Variants in ANKRD20A1 observed in about 807,000 individuals in gnomAD.
ANKRD20A1 encodes ankyrin repeat domain 20 family member A1.
ANKRD20A1 carries 2 observed loss-of-function variants against 50.9 expected under a neutral mutation model. The ratio of observed to expected loss-of-function variants is 0.04; its 90% CI spans 0.02 to 0.12. ANKRD20A1 has a LOEUF of 0.12. Ranked by LOEUF, ANKRD20A1 falls within the 10% of genes least tolerant of loss-of-function variation. The pLI, the probability that ANKRD20A1 is intolerant of heterozygous loss-of-function variation, is 1.00. For missense variants in ANKRD20A1, 31 were observed against 548.1 expected (o/e 0.06, Z 9.42); for synonymous variants, 10 against 186.2 (o/e 0.05, Z 7.70).
chr9:67,891,456 G>A (rs1163491777), intron 11 of ANKRD20A1, among the ~76,000 whole-genome samples: 1 of 83,084 alleles, frequency 1.2e-5, no homozygotes, highest in African/African-American at 4.1e-5. Context: ...GATAAAATTT[G>A]TAAAGTAATG....
chr9:67,884,842 A>T (rs534648865), intron 9 of ANKRD20A1, among the ~76,000 whole-genome samples: 10 of 151,442 alleles, frequency 6.6e-5, no homozygotes, highest in African/African-American at 1.4e-4. Flanking sequence ...GTGAGCGGAG[A>T]TACCACCACT....
intron 6 of ANKRD20A1, 35 bp downstream of exon 6, chr9:67,871,247 T>C: frequency 6.7e-7 from 1 of 1,500,898 alleles, no homozygotes; most frequent in Non-Finnish European, 9.1e-7. Flanking sequence ...TTACTTCTCT[T>C]GGTGGTCCTA....
In ANKRD20A1 at chr9:67,882,992, TTCCATGGTGTA is replaced by T. The variant is rs1379878579; in HGVS notation, c.895-1492_895-1482del. Among the ~76,000 whole-genome samples, 32 of 151,250 alleles carry T rather than the reference TTCCATGGTGTA, an allele frequency of 2.1e-4. No individual in the cohort carries two copies. The East Asian group carries it at 6.5e-3, about 31-fold the overall frequency. On this transcript the variant is annotated intron_variant, in intron 8 of 14. Transcript: ENST00000562196. ...CATCCTTTTTTATGGCTGCATAGTA[TTCCATGGTGTA>T]TATGTGCCACATTGTCTTAATCCAG... is the stretch of plus-strand genomic sequence containing the variant.
intron 9 of ANKRD20A1, among the ~76,000 whole-genome samples, chr9:67,884,919 A>G (rs1827853452): frequency 6.8e-6 from 1 of 146,268 alleles, no homozygotes; most frequent in Non-Finnish European, 1.5e-5. Flanking sequence ...AAGTCATTTG[A>G]TGGAATGTTT....
At chr9:67,882,362 AGC>A (rs1466171587) in intron 8 of ANKRD20A1, among the ~76,000 whole-genome samples, 1 of 149,354 alleles carries the variant, frequency 6.7e-6, no homozygotes, top group Non-Finnish European at 1.5e-5. Flanking sequence ...AACCTAATGT[AGC>A]TAATAATTAA....
At chr9:67,897,403 TATA>T (rs1587606834) in intron 12 of ANKRD20A1, among the ~76,000 whole-genome samples, 153 bp from the exon 13 acceptor site, 2 of 149,956 alleles carry the variant, frequency 1.3e-5, no homozygotes, top group African/African-American at 2.4e-5. Flanking sequence ...ATCTTATAAT[TATA>T]ATAATTATGT....
chr9:67,882,483 T>C (rs1331280414), intron 8 of ANKRD20A1, among the ~76,000 whole-genome samples: 3 of 148,396 alleles, frequency 2.0e-5, no homozygotes, highest in South Asian at 4.4e-4. Flanking sequence ...GGAAATAAAA[T>C]AGAAATAGGT....
chr9:67,884,763 G>A (rs1246314341), intron 9 of ANKRD20A1, among the ~76,000 whole-genome samples, 193 bp downstream of exon 9: 14 of 150,854 alleles, frequency 9.3e-5, no homozygotes, highest in Admixed American at 1.3e-4. Context: ...TGTTGTGGGC[G>A]CCTGTAGTCC....
intron 9 of ANKRD20A1, among the ~76,000 whole-genome samples, chr9:67,884,844 A>T (rs1453744957): frequency 6.6e-6 from 1 of 151,326 alleles, no homozygotes; most frequent in Non-Finnish European, 1.5e-5. Context: ...GAGCGGAGAT[A>T]CCACCACTGC....
chr9:67,867,625 A>G (rs58858312), intron 4 of ANKRD20A1, among the ~76,000 whole-genome samples: 6,767 of 125,474 alleles, frequency 0.054, no homozygotes, highest in Middle Eastern at 0.11. Flanking sequence ...TGGTACTGTA[A>G]TCTTTTATTA....
At chr9:67,882,181 T>G (rs1304598612) in intron 8 of ANKRD20A1, among the ~76,000 whole-genome samples, 2 of 149,100 alleles carry the variant, frequency 1.3e-5, no homozygotes, top group Non-Finnish European at 3.0e-5. Flanking sequence ...GAGACAGGGT[T>G]TTGCCTTGTT....
chr9:67,882,060 A>G (rs1278863530), intron 8 of ANKRD20A1, among the ~76,000 whole-genome samples: 2 of 144,028 alleles, frequency 1.4e-5, no homozygotes, highest in Non-Finnish European at 3.0e-5. Context: ...GCTCACTCCA[A>G]TCTCCATTTC....
chr9:67,881,123 T>C (rs1241818646), intron 8 of ANKRD20A1, among the ~76,000 whole-genome samples: 1 of 150,898 alleles, frequency 6.6e-6, no homozygotes, highest in African/African-American at 2.4e-5. Flanking sequence ...TTAATAATTG[T>C]AGAAAAATAA....
chr9:67,881,036 T>A (rs1458698924), intron 8 of ANKRD20A1, among the ~76,000 whole-genome samples: 1 of 145,120 alleles, frequency 6.9e-6, no homozygotes, highest in Non-Finnish European at 1.5e-5. Context: ...TGGAAACTTA[T>A]TATTTTGGTA....
chr9:67,860,432 A>G lies in ANKRD20A1; in HGVS notation c.203+803A>G, dbSNP rs1382598557. The G allele has an allele frequency of 4.2e-5, 2 of 48,054 alleles. 1 individual carries two copies. Among genetic ancestry groups the G allele is most frequent in the Non-Finnish European group, 8.3e-5 (2 of 24,164 alleles). 3.0% of individuals were successfully genotyped at this position (48,054 alleles called of 1,614,324 possible). ...CACATATGTTATATATATCAGTTAT[A>G]TATACACATTAGATGAAAAGTACCT... On this transcript the variant is annotated intron_variant, in intron 1 of 14. Transcript: ENST00000562196.
Position 67,900,473 on chromosome 9 carries a change from T to C in ANKRD20A1, c.1498-20T>C, listed in dbSNP as rs189917394. The C allele has an allele frequency of 6.2e-5, 59 of 955,686 alleles. 12 individuals carry two copies. The highest frequency in any genetic ancestry group is 3.9e-4 in the African/African-American group (23 of 59,352). 59.2% of individuals were successfully genotyped at this position (955,686 alleles called of 1,614,324 possible). ...ATATTTTATTGAGTACTAGCTAAAA[T>C]TTTCTTTTGTTTTATTTAGGATTTT... On this transcript the variant is annotated intron_variant, in intron 14 of 14. Coordinates refer to ENST00000562196, the MANE Select transcript of ANKRD20A1 (RefSeq NM_032250.5).
rs1417189540 is a variant in ANKRD20A1 at position 67,897,053 on chromosome 9, AAAG to A, written c.1153-504_1153-502del. 2.6e-5 allele frequency among the ~76,000 whole-genome samples: 2 copies of A among 75,638 alleles called. 1 individual carries two copies. Among genetic ancestry groups the A allele is most frequent in the African/African-American group, 8.1e-5 (2 of 24,562 alleles). The allele number at this position is 75,638 out of a possible 152,430, so 49.6% of individuals were successfully genotyped here. A position where few individuals can be genotyped will look rare whatever the true frequency, so the allele number is the denominator to read the frequency against. On this transcript the variant is annotated intron_variant, in intron 12 of 14. Transcript: ENST00000562196. Reference sequence around the variant, plus strand: ...GATATCACAGGATTCAAAAAAAAAAAAAGAGAGATAAAAGGCAGTGGGGAAAAG... The same window carrying A: ...GATATCACAGGATTCAAAAAAAAAAAAGAGATAAAAGGCAGTGGGGAAAAG...
At chr9:67,881,984 ACTT>A (rs1161663891) in intron 8 of ANKRD20A1, among the ~76,000 whole-genome samples, 2 of 131,794 alleles carry the variant, frequency 1.5e-5, no homozygotes, top group Admixed American at 8.4e-5. Flanking sequence ...GAAGCATTTT[ACTT>A]GTTGTTTTTT....
At chr9:67,891,186 C>T (rs1211959186) in intron 11 of ANKRD20A1, among the ~76,000 whole-genome samples, 4 of 105,144 alleles carry the variant, frequency 3.8e-5, no homozygotes, top group East Asian at 4.1e-4. Flanking sequence ...TCCAGCTACT[C>T]GGGAGGCTGA....
Sources: allele counts gnomAD v4.1 joint callset (sites outside exome capture counted in the v4.1 genomes callset), GRCh38; gene constraint gnomAD v4.1.1; transcripts MANE v1.5; gene names NCBI Gene and HGNC (gene_info 2026-07-23, HGNC 2026-07-21).